Variants in PTPRD observed in about 807,000 individuals in gnomAD.
PTPRD encodes receptor-type tyrosine-protein phosphatase delta.
Under a neutral mutation model 214.5 loss-of-function variants are expected in PTPRD, and 34 were observed. That is an observed-to-expected ratio of 0.16 (90% CI 0.12 to 0.21). The LOEUF is 0.21. Ranked by LOEUF, PTPRD falls within the 10% of genes least tolerant of loss-of-function variation. The pLI is 1.00. For synonymous variants in PTPRD, 1,128 were observed against 845.7 expected (o/e 1.33, Z -5.79); for missense variants, 2,545 against 2,398.7 (o/e 1.06, Z -1.27).
chr9:10,139,597 C>G (rs762347120), intron 3 of PTPRD, among the ~76,000 whole-genome samples: 17 of 151,678 alleles, frequency 1.1e-4, no homozygotes, highest in Non-Finnish European at 2.4e-4. Context: ...AACAAACAAA[C>G]AAACGAAATG....
intron 8 of PTPRD, among the ~76,000 whole-genome samples, chr9:9,467,494 G>T (rs909834922): frequency 3.4e-5 from 5 of 147,076 alleles, no homozygotes; most frequent in Non-Finnish European, 7.4e-5. Context: ...GGCTGAGGCA[G>T]TAGAATTGCT....
chr9:9,304,901 G>A (rs934515242), intron 9 of PTPRD, among the ~76,000 whole-genome samples: 1 of 148,966 alleles, frequency 6.7e-6, no homozygotes. Flanking sequence ...GGATAGGGGA[G>A]AATTTTTATT....
At chr9:8,785,482 G>A (rs2095907120) in intron 11 of PTPRD, among the ~76,000 whole-genome samples, 1 of 152,126 alleles carries the variant, frequency 6.6e-6, no homozygotes, top group South Asian at 2.1e-4. Flanking sequence ...GACCTATAGT[G>A]TGTATTCACA....
chr9:8,934,423 A>ATATAAATATATATATAAATT (rs2098975950), intron 11 of PTPRD, among the ~76,000 whole-genome samples: 3 of 60,040 alleles, frequency 5.0e-5, no homozygotes, highest in East Asian at 1.8e-3. Context: ...GTGTGTGTGT[A>ATATAAATATATATATAAATT]TATATATATA....
rs1211233848 is a variant in PTPRD, at chr9:8,618,912, TTG to T, written c.352+14403_352+14404del. 4.7e-3 allele frequency among the ~76,000 whole-genome samples: 453 copies of T among 95,902 alleles called. 7 individuals carry two copies. Among genetic ancestry groups the T allele is most frequent in the Admixed American group, 0.022 (147 of 6,704 alleles). 62.9% of individuals were successfully genotyped at this position (95,902 alleles called of 152,430 possible). A position where few individuals can be genotyped will look rare whatever the true frequency, so the allele number is the denominator to read the frequency against. On this transcript the variant is annotated intron_variant, in intron 14 of 45. Transcript: ENST00000381196. ...TGTGTGTGTGTTTGTCTGTGTTTTT[TTG>T]TTTTTTTTTTTTTTTTTTTTTTTTT...
intron 5 of PTPRD, among the ~76,000 whole-genome samples, chr9:9,868,800 T>C (rs1288456461): frequency 2.6e-5 from 4 of 152,014 alleles, no homozygotes; most frequent in Admixed American, 2.0e-4. Flanking sequence ...AATAAAGAAT[T>C]TGGCTGTTAT....
intron 8 of PTPRD, among the ~76,000 whole-genome samples, chr9:9,550,070 T>A (rs1353769649): frequency 2.0e-5 from 3 of 152,038 alleles, no homozygotes; most frequent in Admixed American, 2.0e-4. Context: ...GTGATTAACA[T>A]TTAAATGATA....
At chr9:8,449,955 C>T (rs535318434) in intron 33 of PTPRD, 118 bp from the exon 34 acceptor site, 9 of 968,718 alleles carry the variant, frequency 9.3e-6, no homozygotes, top group South Asian at 5.0e-5. Context: ...TACAACTTTT[C>T]AACCCAGCTG....
At chr9:8,629,946 A>C (rs898848556) in intron 14 of PTPRD, among the ~76,000 whole-genome samples, 6 of 151,796 alleles carry the variant, frequency 4.0e-5, no homozygotes, top group Admixed American at 3.3e-4. Flanking sequence ...CTACGAAGGG[A>C]AACTTGTTCC....
chr9:8,474,740 G>C (rs1012416253), intron 30 of PTPRD, among the ~76,000 whole-genome samples: 6 of 152,078 alleles, frequency 3.9e-5, no homozygotes, highest in African/African-American at 1.4e-4. Flanking sequence ...TATATAAAGA[G>C]AAAATGCAAA....
intron 3 of PTPRD, among the ~76,000 whole-genome samples, chr9:10,211,759 G>A (rs2498596): frequency 0.23 from 34,206 of 151,940 alleles, 4,944 homozygotes; most frequent in East Asian, 0.43. Context: ...TGCAAACATG[G>A]ACATAGAGCA....
rs17653114 is a variant in PTPRD, at chr9:8,681,831, T to G, written c.65-44987A>C. Reference sequence around the variant, plus strand: ...AAAAAGCAACTACAGCAATAAGAATTCAGTGATTGCCCTTCCCCACTTAAA... The same window carrying G: ...AAAAAGCAACTACAGCAATAAGAATGCAGTGATTGCCCTTCCCCACTTAAA... On this transcript the variant is annotated intron_variant, in intron 12 of 45. Coordinates refer to ENST00000381196, the MANE Select transcript of PTPRD (RefSeq NM_002839.4). Among the ~76,000 whole-genome samples the G allele has an allele frequency of 6.7e-3, 1,028 of 152,328 alleles. 4 individuals carry two copies. Among genetic ancestry groups the G allele is most frequent in the Non-Finnish European group, 0.011 (741 of 68,020 alleles).
At chr9:9,646,411 T>G (rs1465156010) in intron 7 of PTPRD, among the ~76,000 whole-genome samples, 1 of 151,850 alleles carries the variant, frequency 6.6e-6, no homozygotes, top group East Asian at 1.9e-4. Context: ...ATTCCATTGT[T>G]GAAAAACCAT....
intron 2 of PTPRD, among the ~76,000 whole-genome samples, chr9:10,513,215 G>A (rs180904369): frequency 1.3e-4 from 19 of 151,630 alleles, no homozygotes; most frequent in Admixed American, 2.0e-4. Context: ...TTAATGAAGC[G>A]TTTATTTTAA....
intron 8 of PTPRD, among the ~76,000 whole-genome samples, chr9:9,567,390 C>T (rs2084912297): frequency 6.6e-6 from 1 of 151,864 alleles, no homozygotes; most frequent in Admixed American, 6.6e-5. Flanking sequence ...GAGGGAGAAA[C>T]CCCATTCTGT....
intron 8 of PTPRD, among the ~76,000 whole-genome samples, chr9:9,450,474 T>C (rs1428133160): frequency 1.3e-5 from 2 of 151,926 alleles, no homozygotes; most frequent in African/African-American, 4.8e-5. Flanking sequence ...AGGAGTAAGG[T>C]GGTATCTCAC....
At chr9:9,835,312 A>G (rs1424020818) in intron 5 of PTPRD, among the ~76,000 whole-genome samples, 1 of 152,080 alleles carries the variant, frequency 6.6e-6, no homozygotes, top group African/African-American at 2.4e-5. Flanking sequence ...TACATTTTGG[A>G]TTCAATAAAC....
chr9:8,579,033 T>C (rs2092771104), intron 14 of PTPRD, among the ~76,000 whole-genome samples: 1 of 152,200 alleles, frequency 6.6e-6, no homozygotes, highest in African/African-American at 2.4e-5. Context: ...CCTCTGTATA[T>C]GCAACACTTA....
chr9:8,751,247 A>G (rs975024338), intron 11 of PTPRD, among the ~76,000 whole-genome samples: 8 of 152,136 alleles, frequency 5.3e-5, no homozygotes, highest in Non-Finnish European at 1.2e-4. Context: ...ATTTTTACTT[A>G]AAAAGTAAAG....
Sources: gnomAD v4.1 joint callset for allele counts (sites outside exome capture counted in the v4.1 genomes callset) on GRCh38, gnomAD v4.1.1 for gene constraint, MANE v1.5 for transcripts, NCBI Gene and HGNC (gene_info 2026-07-23, HGNC 2026-07-21) for gene names.